The following RNF141 variants were observed in gnomAD, a reference collection of about 807,000 sequenced individuals.
The protein encoded by RNF141 is C3HC4-like zinc finger protein.
In RNF141, 18 loss-of-function variants were observed where a neutral mutation model predicts 27.4. The ratio of observed to expected loss-of-function variants is 0.66; its 90% CI spans 0.45 to 0.97. RNF141 has a LOEUF of 0.97. Ranked by LOEUF, RNF141 falls within the 50% of genes least tolerant of loss-of-function variation. The pLI is 0.00. For synonymous variants in RNF141, 97 were observed against 96.6 expected (o/e 1.00, Z -0.02); for missense variants, 230 against 279.4 (o/e 0.82, Z 1.26).
chr11:10,541,053 T>G (rs1423871288), intron 1 of RNF141, 69 bp downstream of exon 1: 1 of 152,250 alleles, frequency 6.6e-6, no homozygotes, highest in Non-Finnish European at 1.5e-5. Context: ...CTGGGGTTTC[T>G]CTTCCCAGAC....
chr11:10,523,939 C>G (rs1051048060), intron 4 of RNF141, among the ~76,000 whole-genome samples: 2 of 152,196 alleles, frequency 1.3e-5, no homozygotes, highest in Admixed American at 1.3e-4. Flanking sequence ...CTACCATGTT[C>G]TAAAAGTCAC....
chr11:10,539,610 T>A (rs1210335371), intron 1 of RNF141, among the ~76,000 whole-genome samples: 3 of 129,512 alleles, frequency 2.3e-5, no homozygotes, highest in African/African-American at 8.6e-5. Context: ...AGATACATAG[T>A]GAAATAATTA....
chr11:10,524,423 G>A (rs1023873092), intron 4 of RNF141, among the ~76,000 whole-genome samples: 6 of 152,024 alleles, frequency 3.9e-5, no homozygotes, highest in Admixed American at 3.3e-4. Flanking sequence ...AAAAATCACT[G>A]TTAAGTACAT....
At chr11:10,531,422 C>T (rs1849985889) in intron 2 of RNF141, among the ~76,000 whole-genome samples, 1 of 148,392 alleles carries the variant, frequency 6.7e-6, no homozygotes, top group Admixed American at 6.7e-5. Context: ...AATTTTTTGA[C>T]TGTTGCCTCA....
rs1849811229 is a variant in RNF141 at position 10,512,751 on chromosome 11, G to C, written c.*2165C>G. On this transcript the variant is annotated 3_prime_UTR_variant, in exon 6 of 6. Transcript: ENST00000265981. ...ATACAGGGTTCTGCAAATTTGACTT[G>C]AATTTAATTAAAAAATTTTTTTAAA... 6.9e-6 allele frequency: 1 copy of C among 144,340 alleles called. No homozygotes were observed. Among genetic ancestry groups the C allele is most frequent in the Non-Finnish European group, 1.5e-5 (1 of 65,640 alleles). 8.9% of individuals were successfully genotyped at this position (144,340 alleles called of 1,614,324 possible). A position where few individuals can be genotyped will look rare whatever the true frequency, so the allele number is the denominator to read the frequency against.
chr11:10,534,176 C>A lies in RNF141; in HGVS notation c.-18G>T, dbSNP rs371233657. 1.2e-6 allele frequency: 2 copies of A among 1,609,376 alleles called. No homozygotes were observed. The highest frequency in any genetic ancestry group is 1.7e-5 in the Admixed American group (1 of 59,390). On this transcript the variant is annotated 5_prime_UTR_variant, in exon 2 of 6. Coordinates refer to ENST00000265981, the MANE Select transcript of RNF141 (RefSeq NM_016422.4). ...TGTCCCATGATGAAAAGATGTCTTT[C>A]AAAATCCAGAGTGTTGCTTCACATA... is the stretch of plus-strand genomic sequence containing the variant.
chr11:10,518,996 G>A, intron 5 of RNF141, 38 bp downstream of exon 5: 1 of 1,509,160 alleles, frequency 6.6e-7, no homozygotes, highest in African/African-American at 1.4e-5. Flanking sequence ...CTATCCCACT[G>A]ACCTTGGCCC....
At position 10,537,016 on chromosome 11, in the gene RNF141, T is replaced by C. The variant is rs146246449; in HGVS notation, c.-47-2811A>G. Among the ~76,000 whole-genome samples, 60 of 152,350 alleles carry C rather than the reference T, an allele frequency of 3.9e-4. No homozygotes were observed. The East Asian group carries it at 0.011, about 29-fold the overall frequency. ...AGGTTTATTCTAGATAGTCATAGTT[T>C]GGTAACAATGAAGCAATATAAGTTT... On this transcript the variant is annotated intron_variant, in intron 1 of 5. Transcript: ENST00000265981.
chr11:10,514,699 G>A lies in RNF141; in HGVS notation c.*217C>T, dbSNP rs953609061. On this transcript the variant is annotated 3_prime_UTR_variant, in exon 6 of 6. Coordinates refer to ENST00000265981, the MANE Select transcript of RNF141 (RefSeq NM_016422.4). ...TACAAATTTGAACAGATAAATAATAGGAAAATATGGTCTAAAACAGTAGCA... is the reference window on the plus strand; with the variant it reads ...TACAAATTTGAACAGATAAATAATAAGAAAATATGGTCTAAAACAGTAGCA... The A allele has an allele frequency of 2.8e-5, 12 of 431,896 alleles. No individual in the cohort carries two copies. The highest frequency in any genetic ancestry group is 4.0e-5 in the Non-Finnish European group (10 of 248,102). The allele number at this position is 431,896 out of a possible 1,614,324, so 26.8% of individuals were successfully genotyped here.
chr11:10,538,005 T>A (rs1414527109), intron 1 of RNF141, among the ~76,000 whole-genome samples: 1 of 152,220 alleles, frequency 6.6e-6, no homozygotes, highest in African/African-American at 2.4e-5. Context: ...ATAATCCTTA[T>A]GCCAAAGTGG....
intron 1 of RNF141, among the ~76,000 whole-genome samples, chr11:10,538,424 C>G (rs1850056660): frequency 6.6e-6 from 1 of 152,188 alleles, no homozygotes; most frequent in South Asian, 2.1e-4. Context: ...CAATATAAAA[C>G]CACAACACAG....
intron 2 of RNF141, chr11:10,531,898 G>A (rs1337528820): frequency 6.6e-6 from 2 of 303,910 alleles, no homozygotes; most frequent in Non-Finnish European, 1.3e-5. Context: ...TAGCTGCCAA[G>A]CTTCGTCCTG....
At chr11:10,534,639 C>T (rs1002080072) in intron 1 of RNF141, among the ~76,000 whole-genome samples, 6 of 152,216 alleles carry the variant, frequency 3.9e-5, no homozygotes, top group African/African-American at 7.2e-5. Flanking sequence ...TTACAACAAT[C>T]CTAAGAGGTA....
chr11:10,515,162 A>C, intron 5 of RNF141, 96 bp from the exon 6 acceptor site: 6 of 1,328,162 alleles, frequency 4.5e-6, no homozygotes, highest in Non-Finnish European at 6.2e-6. Flanking sequence ...TTAAAAAGGA[A>C]ATAGCATAGA....
chr11:10,530,199 T>A (rs1238891405), intron 3 of RNF141, among the ~76,000 whole-genome samples: 1 of 152,132 alleles, frequency 6.6e-6, no homozygotes, highest in Non-Finnish European at 1.5e-5. Context: ...AAAAAATCTA[T>A]CCCATAACTA....
At chr11:10,525,039 C>T (rs961083500) in intron 4 of RNF141, among the ~76,000 whole-genome samples, 153 bp downstream of exon 4, 7 of 148,700 alleles carry the variant, frequency 4.7e-5, no homozygotes, top group African/African-American at 1.5e-4. Context: ...ATCCGAAGCA[C>T]AGAATAACCC....
chr11:10,533,893 A>T, intron 2 of RNF141, 123 bp downstream of exon 2: 1 of 831,310 alleles, frequency 1.2e-6, no homozygotes, highest in Non-Finnish European at 1.8e-6. Context: ...AGTATTTGTT[A>T]ATGCTAACTG....
At chr11:10,536,907 G>GA (rs1459229564) in intron 1 of RNF141, among the ~76,000 whole-genome samples, 4 of 152,254 alleles carry the variant, frequency 2.6e-5, no homozygotes, top group Non-Finnish European at 5.9e-5. Context: ...AGGCCACACT[G>GA]AAAAGTCTGT....
chr11:10,512,367 G>A lies in RNF141; in HGVS notation c.*2549C>T, dbSNP rs1849808209. 6.5e-6 allele frequency: 1 copy of A among 152,702 alleles called. No individual in the cohort carries two copies. Among genetic ancestry groups the A allele is most frequent in the Admixed American group, 6.5e-5 (1 of 15,294 alleles). 9.5% of individuals were successfully genotyped at this position (152,702 alleles called of 1,614,324 possible). A position where few individuals can be genotyped will look rare whatever the true frequency, so the allele number is the denominator to read the frequency against. On this transcript the variant is annotated 3_prime_UTR_variant, in exon 6 of 6. Coordinates refer to ENST00000265981, the MANE Select transcript of RNF141 (RefSeq NM_016422.4). Reference sequence around the variant, plus strand: ...AAGAGCTGTGCTCATTTATTTATTTGATAAGGCTAATAACATTTTATATTC... The same window carrying A: ...AAGAGCTGTGCTCATTTATTTATTTAATAAGGCTAATAACATTTTATATTC...
Sources: allele counts gnomAD v4.1 joint callset (sites outside exome capture counted in the v4.1 genomes callset), GRCh38; gene constraint gnomAD v4.1.1; transcripts MANE v1.5; gene names NCBI Gene and HGNC (gene_info 2026-07-23, HGNC 2026-07-21).